The following KCNJ3 variants were observed in gnomAD, a reference collection of about 807,000 sequenced individuals.
KCNJ3 encodes G protein-activated inward rectifier potassium channel 1.
A neutral mutation model predicts 39.2 loss-of-function variants in KCNJ3; 4 were observed. The ratio of observed to expected loss-of-function variants is 0.10; its 90% CI spans 0.05 to 0.23. The LOEUF (loss-of-function observed/expected upper bound fraction) is 0.23, where lower values mean the gene tolerates loss of function less well. KCNJ3 is among the 10% of genes least tolerant of loss of function. The probability of loss-of-function intolerance (pLI) is 1.00; values close to 1 mark genes in which losing one functional copy is unlikely to be tolerated. For synonymous variants in KCNJ3, 230 were observed against 237.4 expected (o/e 0.97, Z 0.29); for missense variants, 276 against 634.9 (o/e 0.43, Z 6.08).
chr2:154,708,989 T>C (rs1431655171), intron 1 of KCNJ3, among the ~76,000 whole-genome samples: 3 of 152,216 alleles, frequency 2.0e-5, no homozygotes, highest in Admixed American at 2.0e-4. Flanking sequence ...TGAAAACCAT[T>C]AGCTAACAAC....
intron 2 of KCNJ3, among the ~76,000 whole-genome samples, chr2:154,848,539 A>G (rs975907884): frequency 6.6e-6 from 1 of 152,216 alleles, no homozygotes; most frequent in South Asian, 2.1e-4. Context: ...TTAATTCTTA[A>G]AAGTTCACTC....
chr2:154,747,518 C>A (rs1320639888), intron 2 of KCNJ3, among the ~76,000 whole-genome samples: 1 of 151,866 alleles, frequency 6.6e-6, no homozygotes, highest in Admixed American at 6.6e-5. Context: ...AATCTGTATT[C>A]TCTCCCTTTC....
chr2:154,719,593 T>C (rs558897058), intron 2 of KCNJ3, among the ~76,000 whole-genome samples: 28 of 152,258 alleles, frequency 1.8e-4, no homozygotes, highest in African/African-American at 6.7e-4. Flanking sequence ...AGAATTCTGA[T>C]CCTTGAAACT....
intron 2 of KCNJ3, among the ~76,000 whole-genome samples, chr2:154,789,354 T>C (rs1461962713): frequency 1.3e-5 from 2 of 152,056 alleles, no homozygotes; most frequent in African/African-American, 4.8e-5. Flanking sequence ...ATTTGTTTTA[T>C]TTAGTAATCT....
intron 2 of KCNJ3, among the ~76,000 whole-genome samples, chr2:154,776,302 A>G (rs924493913): frequency 1.3e-5 from 2 of 151,984 alleles, no homozygotes; most frequent in African/African-American, 4.8e-5. Context: ...GCTCCCGGCC[A>G]GGGATTCTTA....
chr2:154,857,992 A>G lies in KCNJ3; in HGVS notation c.*2679A>G, dbSNP rs1405697370. ...GAATAAAAATTGATTATTTTAGAAA[A>G]TGTGACTGGCTTAGGACGGGGATAA... is the stretch of plus-strand genomic sequence containing the variant. On this transcript the variant is annotated 3_prime_UTR_variant, in exon 3 of 3. Coordinates refer to ENST00000295101, the MANE Select transcript of KCNJ3 (RefSeq NM_002239.4). 1 of 150,362 alleles carries G rather than the reference A, an allele frequency of 6.7e-6. No homozygotes were observed. Among genetic ancestry groups the G allele is most frequent in the Admixed American group, 6.6e-5 (1 of 15,094 alleles). 9.3% of individuals were successfully genotyped at this position (150,362 alleles called of 1,614,324 possible). A position where few individuals can be genotyped will look rare whatever the true frequency, so the allele number is the denominator to read the frequency against.
chr2:154,756,270 T>A (rs1038141543), intron 2 of KCNJ3, among the ~76,000 whole-genome samples: 3 of 152,194 alleles, frequency 2.0e-5, no homozygotes, highest in Non-Finnish European at 4.4e-5. Flanking sequence ...ATATATTATT[T>A]CTTATAGACA....
At position 154,728,858 on chromosome 2, in the gene KCNJ3, T is replaced by A. The variant is rs1328822140; in HGVS notation, c.919+19039T>A. 3.9e-5 allele frequency among the ~76,000 whole-genome samples: 6 copies of A among 152,256 alleles called. No homozygotes were observed. The East Asian group carries it at 1.2e-3, about 29-fold the overall frequency. On this transcript the variant is annotated intron_variant, in intron 2 of 2. Coordinates refer to ENST00000295101, the MANE Select transcript of KCNJ3 (RefSeq NM_002239.4). Reference sequence around the variant, plus strand: ...AGGTAGAAATTATACCGGTCTTATTTTTTTTAGTGGGAAAGGGAAGGATTA... The same window carrying A: ...AGGTAGAAATTATACCGGTCTTATTATTTTTAGTGGGAAAGGGAAGGATTA...
intron 1 of KCNJ3, among the ~76,000 whole-genome samples, chr2:154,704,632 G>C (rs180784081): frequency 2.0e-5 from 3 of 152,050 alleles, no homozygotes; most frequent in African/African-American, 7.2e-5. Flanking sequence ...CCAAATAAAT[G>C]TACAATGTAA....
At chr2:154,714,549 T>A (rs1685152351) in intron 2 of KCNJ3, among the ~76,000 whole-genome samples, 1 of 152,148 alleles carries the variant, frequency 6.6e-6, no homozygotes, top group Non-Finnish European at 1.5e-5. Context: ...CCAGCTATGG[T>A]CTTCTATTTG....
chr2:154,809,609 C>T (rs1686973655), intron 2 of KCNJ3, among the ~76,000 whole-genome samples: 1 of 152,068 alleles, frequency 6.6e-6, no homozygotes, highest in Non-Finnish European at 1.5e-5. Flanking sequence ...TTGAGGTTTT[C>T]CTTTATTTAC....
rs71422263 is a variant in KCNJ3, at chr2:154,821,635, ATT to A, written c.920-33069_920-33068del. On this transcript the variant is annotated intron_variant, in intron 2 of 2. Coordinates refer to ENST00000295101, the MANE Select transcript of KCNJ3 (RefSeq NM_002239.4). The stretch of plus-strand genomic sequence containing the variant: ...CAAAAAAAGAAAAAGAGAATATGTG[ATT>A]TTTTTTTTTTTTTTTTTTTTTTGAG... 2.7e-3 allele frequency among the ~76,000 whole-genome samples: 239 copies of A among 88,064 alleles called. No individual in the cohort carries two copies. The South Asian group carries it at 0.053, about 19-fold the overall frequency. The allele number at this position is 88,064 out of a possible 152,430, so 57.8% of individuals were successfully genotyped here. A position where few individuals can be genotyped will look rare whatever the true frequency, so the allele number is the denominator to read the frequency against.
chr2:154,761,748 A>G (rs1451320088), intron 2 of KCNJ3, among the ~76,000 whole-genome samples: 1 of 152,164 alleles, frequency 6.6e-6, no homozygotes, highest in Non-Finnish European at 1.5e-5. Flanking sequence ...GCTATATCAG[A>G]GCCTGTGAGA....
intron 2 of KCNJ3, among the ~76,000 whole-genome samples, chr2:154,717,828 T>C (rs1685206662): frequency 6.6e-6 from 1 of 152,210 alleles, no homozygotes; most frequent in African/African-American, 2.4e-5. Flanking sequence ...TTATTAATTA[T>C]AATTAATCAT....
intron 1 of KCNJ3, among the ~76,000 whole-genome samples, chr2:154,705,051 G>T (rs11898925): frequency 0.022 from 3,400 of 152,248 alleles, 117 homozygotes; most frequent in East Asian, 0.15. Flanking sequence ...AGGTGGTTAG[G>T]CATGGATCAA....
intron 2 of KCNJ3, among the ~76,000 whole-genome samples, chr2:154,829,246 C>G (rs1035463956): frequency 3.3e-5 from 5 of 151,982 alleles, no homozygotes; most frequent in African/African-American, 1.2e-4. Context: ...AGCGTAGTAC[C>G]CAATAGGTAG....
intron 2 of KCNJ3, among the ~76,000 whole-genome samples, chr2:154,737,888 A>G (rs1338631911): frequency 3.9e-5 from 6 of 152,098 alleles, no homozygotes. Flanking sequence ...GAAAACTAAA[A>G]CTCCATGTAC....
rs562096226 is a variant in KCNJ3, at chr2:154,836,961, A to C, written c.920-17766A>C. ...TAAGACTCATGAGTTGGGGTAAAAC[A>C]ATTTTAAAATTGTCAGGTAAAAATA... is the stretch of plus-strand genomic sequence containing the variant. On this transcript the variant is annotated intron_variant, in intron 2 of 2. Transcript: ENST00000295101. Among the ~76,000 whole-genome samples the C allele has an allele frequency of 2.0e-4, 30 of 152,332 alleles. 1 individual carries two copies. The highest frequency in any genetic ancestry group is 1.8e-3 in the Admixed American group (28 of 15,292).
At chr2:154,716,632 G>A (rs1172297091) in intron 2 of KCNJ3, among the ~76,000 whole-genome samples, 2 of 152,082 alleles carry the variant, frequency 1.3e-5, no homozygotes, top group South Asian at 2.1e-4. Flanking sequence ...TTTTCTTAAT[G>A]TGTATGTGTA....
Sources: allele counts gnomAD v4.1 joint callset (sites outside exome capture counted in the v4.1 genomes callset), GRCh38; gene constraint gnomAD v4.1.1; transcripts MANE v1.5; gene names NCBI Gene and HGNC (gene_info 2026-07-23, HGNC 2026-07-21).